Variants in TUT7 observed in about 807,000 individuals in gnomAD.
The protein encoded by TUT7 is terminal uridylyltransferase 7.
TUT7 carries 33 observed loss-of-function variants against 165.9 expected under a neutral mutation model. The ratio of observed to expected loss-of-function variants is 0.20; its 90% CI spans 0.15 to 0.27. The LOEUF (loss-of-function observed/expected upper bound fraction) is 0.27. TUT7 is among the 10% of genes least tolerant of loss of function. The pLI, the probability that TUT7 is intolerant of heterozygous loss-of-function variation, is 1.00. For missense variants in TUT7, 1,338 were observed against 1,762.3 expected (o/e 0.76, Z 4.31); for synonymous variants, 552 against 608.1 (o/e 0.91, Z 1.36).
chr9:86,303,346 A>G, intron 24 of TUT7, 145 bp from the exon 25 acceptor site: 1 of 489,208 alleles, frequency 2.0e-6, no homozygotes, highest in East Asian at 3.1e-5. Context: ...CTTAATTCCA[A>G]ACAAAATCTA....
In TUT7 at chr9:86,328,356, G is replaced by T. The variant is rs149486999; in HGVS notation, c.1592C>A (p.Pro531Gln). ...AGAACAGACCTGTCCCCTTTTAATC[G>T]GCGTTTCTCTTGGTGCCTCTTCTTT... Reference protein sequence around the residue: ...ITKEEAPRETPIKRGQVSLIL... With the variant: ...ITKEEAPRETQIKRGQVSLIL... The change falls in exon 11 of 27, where the codon CCG becomes CAG. Residue 531 changes from proline to glutamine, a missense_variant. Coordinates refer to ENST00000375963, the MANE Select transcript of TUT7 (RefSeq NM_024617.4). 6.2e-6 allele frequency: 10 copies of T among 1,600,390 alleles called. No individual in the cohort carries two copies. Among genetic ancestry groups the T allele is most frequent in the Middle Eastern group, 1.7e-4 (1 of 6,028 alleles).
chr9:86,296,502 T>A (rs892877913), intron 26 of TUT7, among the ~76,000 whole-genome samples: 1 of 152,172 alleles, frequency 6.6e-6, no homozygotes, highest in African/African-American at 2.4e-5. Flanking sequence ...TCTACTGTGA[T>A]CTCCTTTGGG....
In TUT7 at chr9:86,311,452, A is replaced by C. The variant is rs1437066810; in HGVS notation, c.3275-643T>G. 6.6e-6 allele frequency among the ~76,000 whole-genome samples: 1 copy of C among 152,202 alleles called. No individual in the cohort carries two copies. Among genetic ancestry groups the C allele is most frequent in the East Asian group, 1.9e-4 (1 of 5,196 alleles). On this transcript the variant is annotated intron_variant, in intron 17 of 26. Transcript: ENST00000375963. The surrounding 1 kb of genome is among the most constrained non-coding windows in gnomAD (Gnocchi z 4.4). Reference sequence around the variant, plus strand: ...GTTCAGGGAAGTTCCAGAGAATTGCATAGGTTGCCGAATGAACTTGAGGGA... The same window carrying C: ...GTTCAGGGAAGTTCCAGAGAATTGCCTAGGTTGCCGAATGAACTTGAGGGA...
chr9:86,345,569 A>G, intron 4 of TUT7, 100 bp downstream of exon 4: 1 of 826,576 alleles, frequency 1.2e-6, no homozygotes, highest in Non-Finnish European at 2.0e-6. Flanking sequence ...AAAGCAGTAA[A>G]GTTATCAATA....
At chr9:86,348,850 C>T (rs1292823992) in intron 2 of TUT7, among the ~76,000 whole-genome samples, 1 of 152,158 alleles carries the variant, frequency 6.6e-6, no homozygotes, top group Non-Finnish European at 1.5e-5. Context: ...CTTCTTGGAA[C>T]ATACCCATTC....
chr9:86,340,213 GA>G, intron 7 of TUT7, 108 bp from the exon 8 acceptor site: 1 of 863,664 alleles, frequency 1.2e-6, no homozygotes, highest in South Asian at 1.5e-5. Flanking sequence ...TGAGTCTTTT[GA>G]AAGACCACTA....
chr9:86,345,538 G>C, intron 4 of TUT7, 131 bp downstream of exon 4: 1 of 692,104 alleles, frequency 1.4e-6, no homozygotes. Flanking sequence ...ATGTATTTTG[G>C]CTCAAATATA....
chr9:86,337,359 T>C, intron 10 of TUT7, 60 bp downstream of exon 10: 3 of 1,553,194 alleles, frequency 1.9e-6, no homozygotes, highest in Non-Finnish European at 2.6e-6. Flanking sequence ...TATGCAAAAT[T>C]TAATTGTGGA....
intron 2 of TUT7, among the ~76,000 whole-genome samples, chr9:86,348,747 G>A (rs1832003177): frequency 6.6e-6 from 1 of 151,556 alleles, no homozygotes. Context: ...GTGAGACTCT[G>A]TCTAAAAAAC....
Position 86,337,446 on chromosome 9 carries a change from G to A in TUT7, c.1428C>T (p.Pro476=). The A allele has an allele frequency of 6.2e-7, 1 of 1,613,720 alleles. No homozygotes were observed. Among genetic ancestry groups the A allele is most frequent in the Non-Finnish European group, 8.5e-7 (1 of 1,179,812 alleles). The stretch of plus-strand genomic sequence containing the variant: ...ATGATCCTAGATATACAGGCAAAAG[G>A]GGTTCTTTCCTCTGCTGAAGAAAGA... ...AIFFLQQRKE[P]LLPVYLGSWI... is the part of the protein sequence containing the mutation. The change falls in exon 10 of 27, where the codon CCC becomes CCT. Residue 476 remains proline, a synonymous_variant. Coordinates refer to ENST00000375963, the MANE Select transcript of TUT7 (RefSeq NM_024617.4).
intron 26 of TUT7, among the ~76,000 whole-genome samples, chr9:86,295,701 C>T (rs1358297282): frequency 6.6e-6 from 1 of 151,962 alleles, no homozygotes; most frequent in Non-Finnish European, 1.5e-5. Context: ...ATAAGCAGGC[C>T]TTAAAATTCT....
chr9:86,320,015 T>C (rs1302346594), intron 14 of TUT7, among the ~76,000 whole-genome samples: 1 of 152,060 alleles, frequency 6.6e-6, no homozygotes, highest in East Asian at 1.9e-4. Context: ...GTAACAGTAA[T>C]GTAAAATTTA....
chr9:86,322,949 C>T lies in TUT7; in HGVS notation c.2801G>A (p.Cys934Tyr), dbSNP rs775812052. 3 of 1,612,708 alleles carry T rather than the reference C, an allele frequency of 1.9e-6. No individual in the cohort carries two copies. The highest frequency in any genetic ancestry group is 4.5e-5 in the East Asian group (2 of 44,886). ...ATCCACAGGTGAATTTTTTTCTTCACATACATTTTCTTCCTTGAGACTTAT... is the reference window on the plus strand; with the variant it reads ...ATCCACAGGTGAATTTTTTTCTTCATATACATTTTCTTCCTTGAGACTTAT... The part of the protein sequence containing the change: ...NKISLKEENV[C>Y]EEKNSPVDQS... The change falls in exon 13 of 27, where the codon TGT (cysteine) becomes TAT (tyrosine). Residue 934 changes from cysteine to tyrosine, a missense_variant. This residue lies in a region of TUT7 where 425 missense variants were observed against 474.9 expected (regional missense o/e 0.89). Coordinates refer to ENST00000375963, the MANE Select transcript of TUT7 (RefSeq NM_024617.4).
At chr9:86,325,552 A>G (rs1043608846) in intron 11 of TUT7, 38 bp from the exon 12 acceptor site, 6 of 1,535,330 alleles carry the variant, frequency 3.9e-6, no homozygotes, top group Non-Finnish European at 5.3e-6. Context: ...GTTATTTCAG[A>G]TGTAAGTACA....
At chr9:86,317,932 T>A (rs1013512606) in intron 16 of TUT7, among the ~76,000 whole-genome samples, 11 of 152,158 alleles carry the variant, frequency 7.2e-5, no homozygotes, top group Middle Eastern at 3.4e-3. Flanking sequence ...TGTAAAAAAA[T>A]AAATAAATAA....
chr9:86,341,486 C>T (rs1187690558), intron 6 of TUT7, among the ~76,000 whole-genome samples: 1 of 152,106 alleles, frequency 6.6e-6, no homozygotes, highest in Non-Finnish European at 1.5e-5. Flanking sequence ...TAAACTGTAT[C>T]CTTACAACTC....
At chr9:86,343,001 CAT>C (rs2131579544) in intron 6 of TUT7, 72 bp downstream of exon 6, 2 of 990,802 alleles carry the variant, frequency 2.0e-6, no homozygotes, top group Non-Finnish European at 3.1e-6. Context: ...AAAATATATT[CAT>C]AGACAGTTTA....
intron 2 of TUT7, among the ~76,000 whole-genome samples, chr9:86,352,184 C>T (rs979186569): frequency 2.0e-5 from 3 of 152,144 alleles, no homozygotes; most frequent in East Asian, 1.9e-4. Flanking sequence ...ACTGACACTA[C>T]ATCCAAAAGA....
At position 86,332,683 on chromosome 9, in the gene TUT7, CT is replaced by C. The variant is rs1437508829; in HGVS notation, c.1456-4192del. Among the ~76,000 whole-genome samples, 9 of 152,242 alleles carry C rather than the reference CT, an allele frequency of 5.9e-5. No homozygotes were observed. The East Asian group carries it at 1.4e-3, about 23-fold the overall frequency. ...CTATATAATAAGCCTGCACATGTAC[CT>C]TTGAACCTGAAAGTTAAAAATAAAT... is the stretch of plus-strand genomic sequence containing the variant. On this transcript the variant is annotated intron_variant, in intron 10 of 26. Transcript: ENST00000375963.
Sources: gnomAD v4.1 joint callset for allele counts (sites outside exome capture counted in the v4.1 genomes callset) on GRCh38, gnomAD v4.1.1 for gene constraint, gnomAD v4.1.1 regional missense constraint, Gnocchi (gnomAD v3.1) non-coding constraint, MANE v1.5 for transcripts, NCBI Gene and HGNC (gene_info 2026-07-23, HGNC 2026-07-21) for gene names.